PRKCA: variants seen among roughly 807,000 people sequenced by gnomAD.
PRKCA encodes protein kinase C alpha type.
PRKCA carries 27 observed loss-of-function variants against 87.0 expected under a neutral mutation model. That is an observed-to-expected ratio of 0.31 (90% CI 0.23 to 0.43). The LOEUF (loss-of-function observed/expected upper bound fraction) is 0.43, where lower values mean the gene tolerates loss of function less well. Ranked by LOEUF, PRKCA falls within the 20% of genes least tolerant of loss-of-function variation. PRKCA has a pLI of 1.00. For missense variants in PRKCA, 518 were observed against 852.3 expected (o/e 0.61, Z 4.88); for synonymous variants, 329 against 311.1 (o/e 1.06, Z -0.61).
intron 13 of PRKCA, among the ~76,000 whole-genome samples, chr17:66,746,594 T>G (rs768672520): frequency 1.7e-4 from 26 of 152,182 alleles, no homozygotes; most frequent in South Asian, 2.1e-4. Context: ...GCTTAAGTAT[T>G]TATGGCTATT....
intron 16 of PRKCA, among the ~76,000 whole-genome samples, chr17:66,789,944 G>T (rs1975490642): frequency 6.6e-6 from 1 of 152,228 alleles, no homozygotes; most frequent in Non-Finnish European, 1.5e-5. Flanking sequence ...GTTTCTAAGG[G>T]CCGGGCGGAC....
chr17:66,528,836 A>G (rs1223432902), intron 3 of PRKCA, among the ~76,000 whole-genome samples: 1 of 152,180 alleles, frequency 6.6e-6, no homozygotes, highest in African/African-American at 2.4e-5. Flanking sequence ...GTGTATTTTG[A>G]TTGGGTGCTT....
chr17:66,402,121 AG>A (rs1911068083), intron 2 of PRKCA, among the ~76,000 whole-genome samples: 1 of 152,184 alleles, frequency 6.6e-6, no homozygotes, highest in Non-Finnish European at 1.5e-5. Context: ...GAAAGTAGAA[AG>A]GTTCCAGAAT....
intron 6 of PRKCA, among the ~76,000 whole-genome samples, chr17:66,687,915 G>A (rs1972671692): frequency 6.6e-6 from 1 of 152,306 alleles, no homozygotes; most frequent in South Asian, 2.1e-4. Flanking sequence ...AAAGGTAGCT[G>A]TCTGTTCTAG....
At chr17:66,370,359 G>A (rs1410826966) in intron 2 of PRKCA, among the ~76,000 whole-genome samples, 1 of 150,788 alleles carries the variant, frequency 6.6e-6, no homozygotes, top group East Asian at 2.0e-4. Context: ...AGCCTCTGGA[G>A]TAGCTGGGAC....
chr17:66,470,480 G>A (rs1325287767), intron 2 of PRKCA, among the ~76,000 whole-genome samples: 3 of 151,854 alleles, frequency 2.0e-5, no homozygotes, highest in South Asian at 2.1e-4. Context: ...CACCCGCCTC[G>A]GCCTCCCAAA....
At chr17:66,778,058 TA>T (rs1162390391) in intron 14 of PRKCA, 1 of 985,270 alleles carries the variant, frequency 1.0e-6, no homozygotes, top group Non-Finnish European at 1.2e-6. Context: ...AGGCCTTATT[TA>T]AAGGTTTCCC....
intron 3 of PRKCA, among the ~76,000 whole-genome samples, chr17:66,623,441 A>C (rs1970750345): frequency 6.6e-6 from 1 of 152,148 alleles, no homozygotes; most frequent in Non-Finnish European, 1.5e-5. Context: ...GTTAAATGTC[A>C]CCATTGTCAT....
At chr17:66,699,434 T>C (rs1973009826) in intron 8 of PRKCA, among the ~76,000 whole-genome samples, 1 of 152,026 alleles carries the variant, frequency 6.6e-6, no homozygotes, top group East Asian at 1.9e-4. Context: ...CCAGAAGATA[T>C]GAATAAATTT....
At chr17:66,679,247 C>G (rs577336357) in intron 5 of PRKCA, among the ~76,000 whole-genome samples, 1 of 143,970 alleles carries the variant, frequency 6.9e-6, no homozygotes, top group African/African-American at 2.6e-5. Context: ...GTGGCGCAAT[C>G]TGGGCTCACT....
intron 14 of PRKCA, chr17:66,777,149 A>T (rs1208134884): frequency 1.1e-6 from 1 of 899,182 alleles, no homozygotes. Context: ...CCTGGTGGGT[A>T]GGGGGAGCCC....
chr17:66,306,061 T>C (rs746679203), intron 1 of PRKCA, 35 bp from the exon 2 acceptor site: 8 of 1,605,896 alleles, frequency 5.0e-6, no homozygotes, highest in East Asian at 2.2e-5. Flanking sequence ...ACAGAAAATA[T>C]GTTAAGATAT....
intron 3 of PRKCA, among the ~76,000 whole-genome samples, chr17:66,557,830 G>A (rs1390974751): frequency 6.6e-6 from 1 of 152,102 alleles, no homozygotes; most frequent in African/African-American, 2.4e-5. Flanking sequence ...GCCTGTGAGG[G>A]GGTGTTAGCC....
intron 8 of PRKCA, among the ~76,000 whole-genome samples, chr17:66,714,904 T>C (rs568708690): frequency 1.2e-4 from 18 of 152,304 alleles, no homozygotes; most frequent in Admixed American, 3.9e-4. Flanking sequence ...AGGTGTCCCA[T>C]TGAGCTATAA....
In PRKCA at chr17:66,585,513, A is replaced by G. The variant is rs73996413; in HGVS notation, c.289-55842A>G. Among the ~76,000 whole-genome samples, 1,163 of 152,330 alleles carry G rather than the reference A, an allele frequency of 7.6e-3. 14 individuals are homozygous for G. The highest frequency in any genetic ancestry group is 0.026 in the African/African-American group (1,084 of 41,572). ...TAAATAATTTCTTTCTAGTTCCTGTAGCACAAATAAGATTACATTCTCAGG... is the reference window on the plus strand; with the variant it reads ...TAAATAATTTCTTTCTAGTTCCTGTGGCACAAATAAGATTACATTCTCAGG... On this transcript the variant is annotated intron_variant, in intron 3 of 16. Coordinates refer to ENST00000413366, the MANE Select transcript of PRKCA (RefSeq NM_002737.3).
At chr17:66,762,677 G>A (rs530354444) in intron 13 of PRKCA, among the ~76,000 whole-genome samples, 4 of 152,190 alleles carry the variant, frequency 2.6e-5, no homozygotes, top group Non-Finnish European at 5.9e-5. Context: ...ACACGGTCAG[G>A]AGACCTGAGG....
chr17:66,302,902 C>T lies in PRKCA; in HGVS notation c.51C>T (p.Ala17=). Reference sequence around the variant, plus strand: ...ACTCCACGGCGTCTCAGGACGTGGCCAACCGCTTCGCCCGCAAAGGGGCGC... The same window carrying T: ...ACTCCACGGCGTCTCAGGACGTGGCTAACCGCTTCGCCCGCAAAGGGGCGC... The part of the protein sequence containing the change: ...GNDSTASQDV[A]NRFARKGALR... Residue 17 remains alanine, a synonymous_variant, in exon 1 of 17, where the codon GCC becomes GCT. Transcript: ENST00000413366. 2 of 1,612,346 alleles carry T rather than the reference C, an allele frequency of 1.2e-6. No individual in the cohort carries two copies. The highest frequency in any genetic ancestry group is 1.7e-6 in the Non-Finnish European group (2 of 1,179,024).
intron 13 of PRKCA, among the ~76,000 whole-genome samples, chr17:66,772,011 C>G (rs889180747): frequency 6.6e-6 from 1 of 151,984 alleles, no homozygotes; most frequent in South Asian, 2.1e-4. Flanking sequence ...ATGGTTTTAC[C>G]TGGTAATGGA....
chr17:66,397,521 A>T, intron 2 of PRKCA, among the ~76,000 whole-genome samples: 1 of 151,900 alleles, frequency 6.6e-6, no homozygotes, highest in Non-Finnish European at 1.5e-5. Flanking sequence ...TTTCTTTTTT[A>T]GCTTGTCTTT....
Sources: gnomAD v4.1 joint callset for allele counts (sites outside exome capture counted in the v4.1 genomes callset) on GRCh38, gnomAD v4.1.1 for gene constraint, MANE v1.5 for transcripts, NCBI Gene and HGNC (gene_info 2026-07-23, HGNC 2026-07-21) for gene names.